FCRLB: variants seen among roughly 807,000 people sequenced by gnomAD.
FCRLB encodes Fc receptor like B, also known as Fc receptor-like B.
Under a neutral mutation model 33.6 loss-of-function variants are expected in FCRLB, and 34 were observed. That is an observed-to-expected ratio of 1.01 (90% CI 0.77 to 1.35). The LOEUF (loss-of-function observed/expected upper bound fraction) is 1.35, where lower values mean the gene tolerates loss of function less well. FCRLB is among the 40% of genes most tolerant of loss of function. The pLI is 0.00. For missense variants in FCRLB, 560 were observed against 580.2 expected (o/e 0.97, Z 0.36); for synonymous variants, 280 against 255.9 (o/e 1.09, Z -0.90).
rs1368937555 is a variant in FCRLB at position 161,726,459 on chromosome 1, C to T, written c.575-244C>T. 9 of 730,226 alleles carry T rather than the reference C, an allele frequency of 1.2e-5. No homozygotes were observed. Among genetic ancestry groups the T allele is most frequent in the Non-Finnish European group, 1.9e-5 (8 of 411,130 alleles). The allele number at this position is 730,226 out of a possible 1,614,324, so 45.2% of individuals were successfully genotyped here. ...TGCAGAACCCGAGCTGAGTGTCAGTCGGGATGTGACATGAAGCGTCTGGCC... is the reference window on the plus strand; with the variant it reads ...TGCAGAACCCGAGCTGAGTGTCAGTTGGGATGTGACATGAAGCGTCTGGCC... On this transcript the variant is annotated intron_variant, in intron 6 of 7. Coordinates refer to ENST00000367948, the Ensembl canonical transcript of FCRLB. This position sits in a 1 kb window ranked among gnomAD's most constrained non-coding sequence, Gnocchi z 5.2.
At chr1:161,727,452 G>C (rs1169485702) in exon 8 of FCRLB, 1 of 1,613,446 alleles carries the variant, frequency 6.2e-7, no homozygotes, top group Non-Finnish European at 8.5e-7. Context: ...GCGCTCCGCC[G>C]ACGCCCTTGG....
rs1683587690 is a variant in FCRLB at position 161,726,765 on chromosome 1, G to C, written c.637G>C (p.Gly213Arg). Residue 213 changes from glycine (G) to arginine (R), a missense_variant, in exon 7 of 8, where the codon GGT becomes CGT. By Grantham distance (125) the Gly-to-Arg change is moderately radical. Coordinates refer to ENST00000367948, the Ensembl canonical transcript of FCRLB. The surrounding 1 kb of genome is among the most constrained non-coding windows in gnomAD (Gnocchi z 5.2). ...GCGGGAGGCCCGCGGCGCGGCGCTGGGTGGGGTGGTGCTGCGCTGCGACAC... is the reference window on the plus strand; with the variant it reads ...GCGGGAGGCCCGCGGCGCGGCGCTGCGTGGGGTGGTGCTGCGCTGCGACAC... 2 of 1,583,194 alleles carry C rather than the reference G, an allele frequency of 1.3e-6. No homozygotes were observed. The highest frequency in any genetic ancestry group is 3.6e-5 in the Admixed American group (2 of 56,332).
chr1:161,726,019 C>T lies in FCRLB; in HGVS notation c.506C>T (p.Ser169Leu). Residue 169 changes from serine to leucine, a missense_variant, in exon 6 of 8, where the codon TCG becomes TTG. Transcript: ENST00000367948. This position sits in a 1 kb window ranked among gnomAD's most constrained non-coding sequence, Gnocchi z 5.2. The stretch of plus-strand genomic sequence containing the variant: ...AGCGACAGCGGGCGCTACCAGTGCT[C>T]GGGCACCATGCGCATCCCGGTGGAG... The T allele has an allele frequency of 6.2e-7, 1 of 1,613,958 alleles. No homozygotes were observed. The highest frequency in any genetic ancestry group is 8.5e-7 in the Non-Finnish European group (1 of 1,179,886).
In FCRLB at chr1:161,722,720, G is replaced by A. The variant is rs559686706; in HGVS notation, c.31+17G>A. 2.2e-5 allele frequency: 36 copies of A among 1,613,824 alleles called. No homozygotes were observed. In the South Asian group the frequency reaches 3.8e-4, roughly 17 times the overall value. On this transcript the variant is annotated intron_variant, in intron 3 of 7. Transcript: ENST00000367948. The stretch of plus-strand genomic sequence containing the variant: ...TGCTCCTGGGTGAGTCCACAGTGAG[G>A]CAGCAGAAGAGCTTTGGGTGGTGGA...
rs757169164 is a variant in FCRLB at position 161,722,715 on chromosome 1, G to T, written c.31+12G>T. Reference sequence around the variant, plus strand: ...CCTTCTGCTCCTGGGTGAGTCCACAGTGAGGCAGCAGAAGAGCTTTGGGTG... The same window carrying T: ...CCTTCTGCTCCTGGGTGAGTCCACATTGAGGCAGCAGAAGAGCTTTGGGTG... On this transcript the variant is annotated intron_variant, in intron 3 of 7. Coordinates refer to ENST00000367948, the Ensembl canonical transcript of FCRLB. 6.2e-7 allele frequency: 1 copy of T among 1,613,986 alleles called. No homozygotes were observed. Among genetic ancestry groups the T allele is most frequent in the South Asian group, 1.1e-5 (1 of 91,042 alleles).
chr1:161,727,134 T>A, intron 7 of FCRLB, 113 bp from the exon 8 acceptor site: 1 of 999,292 alleles, frequency 1.0e-6, no homozygotes, highest in Non-Finnish European at 1.2e-6. Context: ...GCCCTCCTCC[T>A]CACCCCTCTT....
Position 161,726,875 on chromosome 1 carries a change from C to T in FCRLB, c.747C>T (p.Gly249=), listed in dbSNP as rs1312255745. The T allele has an allele frequency of 1.9e-6, 3 of 1,582,724 alleles. No homozygotes were observed. The highest frequency in any genetic ancestry group is 3.5e-5 in the Admixed American group (2 of 56,692). ...GCGCGGTGCGCCGCTTCGACTGGGG[C>T]GCCGAGTACACAGTCCCGGAGCCCG... The change falls in exon 7 of 8, where the codon GGC becomes GGT. Residue 249 remains glycine (G), a synonymous_variant. Transcript: ENST00000367948. The surrounding 1 kb of genome is among the most constrained non-coding windows in gnomAD (Gnocchi z 5.2).
intron 5 of FCRLB, 124 bp from the exon 6 acceptor site, chr1:161,725,697 G>C (rs1248090595): frequency 8.7e-7 from 1 of 1,149,840 alleles, no homozygotes; most frequent in Non-Finnish European, 1.2e-6. Context: ...AAAGAAAGCG[G>C]TGGGAGATGG....
chr1:161,724,643 G>GTGGTTTCT (rs1683480649), intron 5 of FCRLB, among the ~76,000 whole-genome samples: 1 of 152,112 alleles, frequency 6.6e-6, no homozygotes, highest in Non-Finnish European at 1.5e-5. Context: ...TTCATACTCT[G>GTGGTTTCT]TGGTTTCTTG....
chr1:161,727,636 C>G, exon 8 of FCRLB: 1 of 1,613,320 alleles, frequency 6.2e-7, no homozygotes, highest in Admixed American at 1.7e-5. Flanking sequence ...CCCGGGAACC[C>G]CAGAGACCAC....
Position 161,726,289 on chromosome 1 carries a change from C to T in FCRLB, c.574+202C>T, listed in dbSNP as rs1443608579. The T allele has an allele frequency of 3.2e-6, 3 of 946,506 alleles. No homozygotes were observed. In the East Asian group the frequency reaches 7.9e-5, roughly 25 times the overall value. The allele number at this position is 946,506 out of a possible 1,614,324, so 58.6% of individuals were successfully genotyped here. A position where few individuals can be genotyped will look rare whatever the true frequency, so the allele number is the denominator to read the frequency against. On this transcript the variant is annotated intron_variant, in intron 6 of 7. Transcript: ENST00000367948. The surrounding 1 kb of genome is among the most constrained non-coding windows in gnomAD (Gnocchi z 5.2). ...CTGCTTGGAGGCTGGTCCCTTTCCC[C>T]GACGCACATCCTGGCTTCTCACTCT...
exon 8 of FCRLB, chr1:161,727,518 G>C (rs1411808411): frequency 3.6e-5 from 58 of 1,614,038 alleles, no homozygotes; most frequent in Non-Finnish European, 4.7e-5. Flanking sequence ...GAGAAATGCA[G>C]CTGCTCAAAG....
At chr1:161,725,365 G>A (rs1006507366) in intron 5 of FCRLB, among the ~76,000 whole-genome samples, 2 of 152,200 alleles carry the variant, frequency 1.3e-5, no homozygotes, top group African/African-American at 2.4e-5. Flanking sequence ...GGGAGGCCAG[G>A]CCCGGTGGCT....
intron 7 of FCRLB, 25 bp from the exon 8 acceptor site, chr1:161,727,222 G>C (rs1172937415): frequency 1.3e-6 from 2 of 1,505,278 alleles, no homozygotes; most frequent in Non-Finnish European, 1.8e-6. Context: ...CAAGCCGCGC[G>C]TGACTGGGCG....
intron 2 of FCRLB, among the ~76,000 whole-genome samples, chr1:161,722,183 G>T (rs1683395111): frequency 6.6e-6 from 1 of 152,146 alleles, no homozygotes; most frequent in African/African-American, 2.4e-5. Flanking sequence ...GACCTCTCTA[G>T]GTCTCATGCC....
At chr1:161,727,352 C>T in exon 8 of FCRLB, 2 of 1,613,804 alleles carry the variant, frequency 1.2e-6, no homozygotes, top group Non-Finnish European at 1.7e-6. Context: ...GTGTCCAGAT[C>T]GGTCCCGTTG....
rs761903105 is a variant in FCRLB, at chr1:161,726,731, G to T, written c.603G>T (p.Val201=). 6.3e-7 allele frequency: 1 copy of T among 1,597,096 alleles called. No homozygotes were observed. Among genetic ancestry groups the T allele is most frequent in the South Asian group, 1.1e-5 (1 of 89,680 alleles). ...TGTTCCGGGCGCCGGTGCTGAGGGT[G>T]ATGGGTCCGCGGGAGGCCCGCGGCG... The change falls in exon 7 of 8, where the codon GTG becomes GTT. Residue 201 remains valine, a synonymous_variant. Transcript: ENST00000367948. This position sits in a 1 kb window ranked among gnomAD's most constrained non-coding sequence, Gnocchi z 5.2.
rs1037613408 is a variant in FCRLB, at chr1:161,722,890, G to A, written c.32-99G>A. 21 of 1,565,690 alleles carry A rather than the reference G, an allele frequency of 1.3e-5. No individual in the cohort carries two copies. In the African/African-American group the frequency reaches 1.6e-4, roughly 12 times the overall value. ...ACCAGGGGCAGAAGAAGAAAAACAG[G>A]TTTTGGGACCATTCAGCCTTTCTTG... On this transcript the variant is annotated intron_variant, in intron 3 of 7. Coordinates refer to ENST00000367948, the Ensembl canonical transcript of FCRLB.
rs1683586331 is a variant in FCRLB at position 161,726,749 on chromosome 1, C to CCGCGG, written c.630_634dup (p.Leu212ArgfsTer158). 1 of 1,591,798 alleles carries CCGCGG rather than the reference C, an allele frequency of 6.3e-7. No individual in the cohort carries two copies. Among genetic ancestry groups the CCGCGG allele is most frequent in the South Asian group, 1.1e-5 (1 of 88,760 alleles). Reference sequence around the variant, plus strand: ...TGAGGGTGATGGGTCCGCGGGAGGCCCGCGGCGCGGCGCTGGGTGGGGTGG... The same window carrying CCGCGG: ...TGAGGGTGATGGGTCCGCGGGAGGCCCGCGGCGCGGCGCGGCGCTGGGTGGGGTGG... On this transcript the variant is annotated frameshift_variant, in exon 7 of 8. Transcript: ENST00000367948. LOFTEE classifies it high-confidence loss of function. The surrounding 1 kb of genome is among the most constrained non-coding windows in gnomAD (Gnocchi z 5.2).
Sources: gnomAD v4.1 joint callset for allele counts (sites outside exome capture counted in the v4.1 genomes callset) on GRCh38, gnomAD v4.1.1 for gene constraint, Gnocchi (gnomAD v3.1) non-coding constraint, MANE v1.5 for transcripts, NCBI Gene and HGNC (gene_info 2026-07-23, HGNC 2026-07-21) for gene names.